Variants in DOP1B observed in about 807,000 individuals in gnomAD.
The protein encoded by DOP1B is protein DOP1B.
Under a neutral mutation model 233.5 loss-of-function variants are expected in DOP1B, and 174 were observed. That is an observed-to-expected ratio of 0.75 (90% confidence interval 0.66 to 0.85). The LOEUF is 0.85. Among genes scored for constraint, DOP1B ranks in the 40% least tolerant of loss-of-function variants. DOP1B has a pLI of 0.00. For missense variants in DOP1B, 2,652 were observed against 2,846.6 expected (o/e 0.93, Z 1.56); for synonymous variants, 1,190 against 1,185.6 (o/e 1.00, Z -0.08).
At position 36,225,579 on chromosome 21, in the gene DOP1B, G is replaced by A. The variant is rs945086367; in HGVS notation, c.1385G>A (p.Arg462His). Residue 462 changes from arginine to histidine, a missense_variant, in exon 12 of 37, where the codon CGT (arginine) becomes CAT (histidine). By Grantham distance (29) the Arg-to-His change is conservative. Transcript: ENST00000691173. The stretch of plus-strand genomic sequence containing the variant: ...GTGATTTATAGACCAGTGAAGCAGC[G>A]TTACAGCGTGAGGAACAGCGTCAGC... ...FEECFRPVKQ[R>H]YSVRNSVSPP... The A allele has an allele frequency of 1.8e-5, 29 of 1,613,962 alleles. No homozygotes were observed. The highest frequency in any genetic ancestry group is 6.7e-5 in the Admixed American group (4 of 59,990).
chr21:36,164,743 G>C lies in DOP1B; in HGVS notation c.10G>C (p.Glu4Gln), dbSNP rs370668387. The stretch of plus-strand genomic sequence containing the variant: ...GCTGTGAGAATGTAAGATGGATCCA[G>C]AAGAGCAGGAGCTCTTAAATGATTA... MDP[E>Q]EQELLNDYRY... Residue 4 changes from glutamate to glutamine, a missense_variant, in exon 2 of 37, where the codon GAA becomes CAA. Glu to Gln is a conservative substitution (Grantham distance 29). Around this residue, in one of 3 missense-constraint regions of DOP1B, gnomAD observed 2,617 missense variants for 2,794.3 expected, o/e 0.94. Coordinates refer to ENST00000691173, the MANE Select transcript of DOP1B (RefSeq NM_001320714.2). 19 of 1,596,896 alleles carry C rather than the reference G, an allele frequency of 1.2e-5. No individual in the cohort carries two copies. The highest frequency in any genetic ancestry group is 1.4e-5 in the African/African-American group (1 of 73,654).
chr21:36,205,036 C>T (rs755883033), intron 4 of DOP1B, among the ~76,000 whole-genome samples: 3 of 152,126 alleles, frequency 2.0e-5, no homozygotes, highest in Admixed American at 6.5e-5. Flanking sequence ...CCCTCTTTAG[C>T]GCTGTTTCTG....
At chr21:36,200,159 C>CTTGTTACGTAACAGTGTT (rs533149875) in intron 3 of DOP1B, among the ~76,000 whole-genome samples, 172 bp from the exon 4 acceptor site, 408 of 152,300 alleles carry the variant, frequency 2.7e-3, no homozygotes, top group Middle Eastern at 0.024. Flanking sequence ...TCATTGCTGG[C>CTTGTTACGTAACAGTGTT]TTGTTACGTA....
chr21:36,246,330 C>T lies in DOP1B; in HGVS notation c.4350C>T (p.Val1450=). ...ELLKLLQVLI[V]LEHHLGRAHE... The stretch of plus-strand genomic sequence containing the variant: ...TGAAGCTGCTGCAGGTGCTGATTGT[C>T]TTGGAACACCACCTGGGTCGGGCCC... Residue 1450 remains valine (V), a synonymous_variant, in exon 19 of 37, where the codon GTC becomes GTT. Transcript: ENST00000691173. The surrounding 1 kb of genome is among the most constrained non-coding windows in gnomAD (Gnocchi z 5.1). 6.2e-7 allele frequency: 1 copy of T among 1,613,930 alleles called. No individual in the cohort carries two copies. The highest frequency in any genetic ancestry group is 1.7e-5 in the Admixed American group (1 of 60,002).
intron 1 of DOP1B, among the ~76,000 whole-genome samples, chr21:36,161,744 C>G (rs974014916): frequency 6.6e-6 from 1 of 152,178 alleles, no homozygotes; most frequent in Non-Finnish European, 1.5e-5. Context: ...GAAAGATCGC[C>G]GTGCCCAGTG....
chr21:36,158,042 T>C (rs923552789), intron 1 of DOP1B, among the ~76,000 whole-genome samples: 3 of 152,114 alleles, frequency 2.0e-5, no homozygotes, highest in African/African-American at 7.2e-5. Context: ...CAAGCAATCC[T>C]TCCACCTCGG....
chr21:36,266,496 T>C (rs1024213326), intron 26 of DOP1B, among the ~76,000 whole-genome samples: 10 of 152,004 alleles, frequency 6.6e-5, no homozygotes, highest in African/African-American at 2.4e-4. Context: ...ATAAAGGAGA[T>C]TAGAAAGGAT....
At chr21:36,259,459 G>C (rs563029749) in intron 23 of DOP1B, among the ~76,000 whole-genome samples, 1 of 151,926 alleles carries the variant, frequency 6.6e-6, no homozygotes, top group Admixed American at 6.6e-5. Context: ...TTTTAGTAGA[G>C]ATGGGGTTTT....
intron 5 of DOP1B, 85 bp downstream of exon 5, chr21:36,208,989 CAAAGGGACATCCAGG>C: frequency 7.4e-7 from 1 of 1,352,310 alleles, no homozygotes; most frequent in Non-Finnish European, 9.7e-7. Context: ...ACTGAAGCTG[CAAAGGGACATCCAGG>C]AAAGGGAGGT....
chr21:36,174,308 C>T (rs1007068181), intron 2 of DOP1B, among the ~76,000 whole-genome samples: 12 of 152,022 alleles, frequency 7.9e-5, no homozygotes, highest in Admixed American at 3.3e-4. Flanking sequence ...GCTGACATGG[C>T]GAAACCCCGT....
At chr21:36,168,914 A>C (rs1568996699) in intron 2 of DOP1B, 1 of 500,226 alleles carries the variant, frequency 2.0e-6, no homozygotes, top group African/African-American at 2.0e-5. Flanking sequence ...TTAATTAATA[A>C]TTTTAAAAAA....
Position 36,246,751 on chromosome 21 carries a change from A to T in DOP1B, c.4697+74A>T. The T allele has an allele frequency of 6.6e-7, 1 of 1,524,600 alleles. No homozygotes were observed. Among genetic ancestry groups the T allele is most frequent in the Non-Finnish European group, 8.9e-7 (1 of 1,129,602 alleles). The allele number at this position is 1,524,600 out of a possible 1,614,324, so 94.4% of individuals were successfully genotyped here. ...ATAACGAATGACTGTTTTGCCACGG[A>T]TGTGGATGTCGGTTGGAGGATAATT... On this transcript the variant is annotated intron_variant, in intron 19 of 36. Transcript: ENST00000691173. This position sits in a 1 kb window ranked among gnomAD's most constrained non-coding sequence, Gnocchi z 5.1.
chr21:36,285,357 G>T (rs1312876828), intron 32 of DOP1B, among the ~76,000 whole-genome samples: 2 of 152,068 alleles, frequency 1.3e-5, no homozygotes, highest in African/African-American at 4.8e-5. Context: ...ACCATGTCTG[G>T]CCGGGAAAAA....
Position 36,212,042 on chromosome 21 carries a change from G to C in DOP1B, c.849G>C (p.Gln283His), listed in dbSNP as rs754298902. 1 of 1,613,806 alleles carries C rather than the reference G, an allele frequency of 6.2e-7. No individual in the cohort carries two copies. The highest frequency in any genetic ancestry group is 2.2e-5 in the East Asian group (1 of 44,888). Reference sequence around the variant, plus strand: ...TGCGCATTCTCTCAGCCGCCACCCAGACCCTACTGAGAAGGGACATGTCCC... The same window carrying C: ...TGCGCATTCTCTCAGCCGCCACCCACACCCTACTGAGAAGGGACATGTCCC... The part of the protein sequence containing the change: ...DIVRILSAAT[Q>H]TLLRRDMSLN... Residue 283 changes from glutamine to histidine, a missense_variant, in exon 7 of 37, where the codon CAG (glutamine) becomes CAC (histidine). Physicochemically the swap from Gln to His is conservative, Grantham distance 24 (BLOSUM62 0). Transcript: ENST00000691173.
intron 9 of DOP1B, among the ~76,000 whole-genome samples, 169 bp from the exon 10 acceptor site, chr21:36,219,201 TCC>T (rs2066596247): frequency 6.6e-6 from 1 of 152,250 alleles, no homozygotes; most frequent in African/African-American, 2.4e-5. Context: ...GAATGTTGTT[TCC>T]CCAGCTAAAG....
intron 4 of DOP1B, among the ~76,000 whole-genome samples, chr21:36,201,345 C>T (rs372582385): frequency 2.6e-3 from 213 of 83,164 alleles, no homozygotes; most frequent in Middle Eastern, 8.2e-3. Flanking sequence ...CTATTGGATT[C>T]TTTTTTTTTT....
At chr21:36,159,979 T>G (rs1189176786) in intron 1 of DOP1B, among the ~76,000 whole-genome samples, 1 of 152,210 alleles carries the variant, frequency 6.6e-6, no homozygotes, top group Non-Finnish European at 1.5e-5. Context: ...CTTCCACTTT[T>G]ATTAGGCTAT....
intron 2 of DOP1B, chr21:36,169,652 T>G (rs2065952413): frequency 2.2e-6 from 2 of 911,764 alleles, no homozygotes; most frequent in Non-Finnish European, 3.7e-6. Flanking sequence ...CAGCTGGGCC[T>G]TCTTCTGGCG....
rs1601447105 is a variant in DOP1B, at chr21:36,247,633, A to T, written c.4809+5A>T. ...CAAGCCAACCAAAACAAAAAGGTAA[A>T]TTTTTTTTTTTCCTGAGTTCAAGGC... On this transcript the variant is annotated splice_donor_5th_base_variant and intron_variant, in intron 20 of 36. Coordinates refer to ENST00000691173, the MANE Select transcript of DOP1B (RefSeq NM_001320714.2). The T allele has an allele frequency of 7.2e-6, 10 of 1,393,228 alleles. No individual in the cohort carries two copies. Among genetic ancestry groups the T allele is most frequent in the African/African-American group, 3.1e-5 (2 of 64,222 alleles). The allele number at this position is 1,393,228 out of a possible 1,614,324, so 86.3% of individuals were successfully genotyped here.
Sources: gnomAD v4.1 joint callset for allele counts (sites outside exome capture counted in the v4.1 genomes callset) on GRCh38, gnomAD v4.1.1 for gene constraint, gnomAD v4.1.1 regional missense constraint, Gnocchi (gnomAD v3.1) non-coding constraint, MANE v1.5 for transcripts, NCBI Gene and HGNC (gene_info 2026-07-23, HGNC 2026-07-21) for gene names.